Variants in TENM2 observed in about 807,000 individuals in gnomAD.
The protein encoded by TENM2 is teneurin-2.
TENM2 carries 52 observed loss-of-function variants against 245.2 expected under a neutral mutation model. The ratio of observed to expected loss-of-function variants is 0.21; its 90% CI spans 0.17 to 0.27. TENM2 has a LOEUF of 0.27. Among genes scored for constraint, TENM2 ranks in the 10% least tolerant of loss-of-function variants. The pLI is 1.00. For missense variants in TENM2, 3,046 were observed against 3,666.8 expected (o/e 0.83, Z 4.37); for synonymous variants, 1,363 against 1,438.9 (o/e 0.95, Z 1.19).
At chr5:167,071,132 T>C in the TENM2 span, among the ~76,000 whole-genome samples, 1 of 152,160 alleles carries the variant, frequency 6.6e-6, no homozygotes, top group South Asian at 2.1e-4. Flanking sequence ...ATAATTATTT[T>C]ATAAATTTGT....
the TENM2 span, among the ~76,000 whole-genome samples, chr5:167,215,938 T>C: frequency 7.2e-5 from 11 of 152,336 alleles, no homozygotes; most frequent in East Asian, 1.9e-3. Flanking sequence ...TTCACCTGTT[T>C]AAAATGTACA....
rs889539145 is a variant in TENM2, at chr5:167,698,841, G to T, written c.503-177145G>T. The stretch of plus-strand genomic sequence containing the variant: ...TGGGACTACAGGTGCCCGCCACCAC[G>T]CCCAGCTAATTTTTGTATTTTTAGT... On this transcript the variant is annotated intron_variant, in intron 2 of 28. Transcript: ENST00000518659. Among the ~76,000 whole-genome samples, 16 of 151,716 alleles carry T rather than the reference G, an allele frequency of 1.1e-4. 1 individual carries two copies. Among genetic ancestry groups the T allele is most frequent in the Admixed American group, 9.2e-4 (14 of 15,232 alleles).
chr5:167,357,300 C>CTTTTTTTTTTT (rs11442891), intron 1 of TENM2, among the ~76,000 whole-genome samples: 1 of 139,994 alleles, frequency 7.1e-6, no homozygotes, highest in African/African-American at 2.7e-5. Context: ...GCCATCCTTT[C>CTTTTTTTTTTT]TTTTTTTTTT....
chr5:167,759,050 T>C (rs1268965155), intron 2 of TENM2, among the ~76,000 whole-genome samples: 2 of 150,958 alleles, frequency 1.3e-5, no homozygotes, highest in Non-Finnish European at 1.5e-5. Flanking sequence ...ATGCAGTGGT[T>C]AAAAACATAG....
chr5:167,607,719 A>C (rs1185934585), intron 2 of TENM2, among the ~76,000 whole-genome samples: 1 of 152,190 alleles, frequency 6.6e-6, no homozygotes, highest in Non-Finnish European at 1.5e-5. Flanking sequence ...CATTCATGCT[A>C]TCAATATTTA....
intron 21 of TENM2, among the ~76,000 whole-genome samples, chr5:168,215,984 C>T (rs1192573315): frequency 1.3e-5 from 2 of 152,202 alleles, no homozygotes; most frequent in Non-Finnish European, 2.9e-5. Context: ...GTATAATTTC[C>T]AGGGGTCCAG....
At chr5:167,501,066 G>C (rs1386297421) in intron 2 of TENM2, among the ~76,000 whole-genome samples, 2 of 152,104 alleles carry the variant, frequency 1.3e-5, no homozygotes, top group Non-Finnish European at 2.9e-5. Flanking sequence ...GGCCTTTTTA[G>C]TCCACTTGCA....
the TENM2 span, among the ~76,000 whole-genome samples, chr5:167,140,260 G>A: frequency 2.6e-5 from 4 of 152,132 alleles, no homozygotes; most frequent in African/African-American, 9.7e-5. Flanking sequence ...ATGGAGATTG[G>A]GGTAGCCATC....
chr5:167,148,003 G>A, the TENM2 span, among the ~76,000 whole-genome samples: 1 of 152,124 alleles, frequency 6.6e-6, no homozygotes, highest in South Asian at 2.1e-4. Flanking sequence ...CACCATGCCT[G>A]CCACTTATCT....
intron 9 of TENM2, 124 bp downstream of exon 11, chr5:168,098,251 C>G: frequency 1.4e-6 from 1 of 693,778 alleles, no homozygotes; most frequent in Non-Finnish European, 2.5e-6. Context: ...CTTGCAAGCC[C>G]ATGCATGCCA....
At chr5:167,889,927 G>A (rs1281146518) in intron 3 of TENM2, among the ~76,000 whole-genome samples, 1 of 152,148 alleles carries the variant, frequency 6.6e-6, no homozygotes, top group Non-Finnish European at 1.5e-5. Flanking sequence ...GGCAGACTTG[G>A]CCTTTTCTGC....
At chr5:167,927,158 A>G (rs1185487402) in intron 3 of TENM2, among the ~76,000 whole-genome samples, 2 of 152,152 alleles carry the variant, frequency 1.3e-5, no homozygotes, top group South Asian at 4.2e-4. Context: ...TTTAAAATTT[A>G]CTTTGATTTT....
intron 5 of TENM2, among the ~76,000 whole-genome samples, chr5:168,040,223 G>A (rs914081105): frequency 2.0e-5 from 3 of 152,208 alleles, no homozygotes; most frequent in South Asian, 2.1e-4. Context: ...TCCCTGCTGA[G>A]GACAGTTTTG....
the TENM2 span, among the ~76,000 whole-genome samples, chr5:166,989,958 A>T: frequency 6.6e-6 from 1 of 151,766 alleles, no homozygotes; most frequent in Non-Finnish European, 1.5e-5. Context: ...AATGTTATCT[A>T]CTTGAACTCT....
chr5:167,872,472 AAGAAAG>A (rs1452184686), intron 2 of TENM2, among the ~76,000 whole-genome samples: 1 of 122,178 alleles, frequency 8.2e-6, no homozygotes, highest in Admixed American at 9.7e-5. Flanking sequence ...GAAAGAAAGA[AAGAAAG>A]AAAGAAAAAG....
chr5:167,440,101 G>A (rs1764796486), intron 2 of TENM2, among the ~76,000 whole-genome samples: 1 of 151,876 alleles, frequency 6.6e-6, no homozygotes, highest in African/African-American at 2.4e-5. Context: ...TTTTTAAAAT[G>A]GTCTATCCAG....
chr5:167,506,201 G>A (rs551754123), intron 2 of TENM2, among the ~76,000 whole-genome samples: 1 of 152,276 alleles, frequency 6.6e-6, no homozygotes, highest in African/African-American at 2.4e-5. Context: ...TTTTCCATTA[G>A]CATATAGTAT....
intron 2 of TENM2, among the ~76,000 whole-genome samples, chr5:167,588,718 G>C (rs1775673770): frequency 6.6e-6 from 1 of 152,126 alleles, no homozygotes; most frequent in Non-Finnish European, 1.5e-5. Flanking sequence ...GAAAATTACT[G>C]AACTCATGGA....
At chr5:167,722,765 G>T (rs1023177319) in intron 2 of TENM2, among the ~76,000 whole-genome samples, 1 of 152,032 alleles carries the variant, frequency 6.6e-6, no homozygotes, top group Non-Finnish European at 1.5e-5. Flanking sequence ...CATAGAGTGA[G>T]ACTCTGTCTC....
Sources: gnomAD v4.1 joint callset for allele counts (sites outside exome capture counted in the v4.1 genomes callset) on GRCh38, gnomAD v4.1.1 for gene constraint, MANE v1.5 for transcripts, NCBI Gene and HGNC (gene_info 2026-07-23, HGNC 2026-07-21) for gene names.